The following OR14A2 variants were observed in gnomAD, a reference collection of about 807,000 sequenced individuals.
The protein encoded by OR14A2 is olfactory receptor family 14 subfamily A member 2.
For synonymous variants in OR14A2, 114 were observed against 58.6 expected (o/e 1.95, Z -4.32); for missense variants, 237 against 152.9 (o/e 1.55, Z -2.90).
chr1:247,738,286 T>C, the OR14A2 span, among the ~76,000 whole-genome samples: 3 of 152,200 alleles, frequency 2.0e-5, no homozygotes, highest in African/African-American at 7.2e-5. Context: ...TGCAGTTTTA[T>C]ATATAATTGC....
upstream of OR14A2, among the ~76,000 whole-genome samples, chr1:247,725,528 A>T (rs983866658): frequency 4.7e-5 from 7 of 148,118 alleles, no homozygotes; most frequent in Non-Finnish European, 7.4e-5. Context: ...TTATTTATTT[A>T]TTTTTTTTAT....
upstream of OR14A2, among the ~76,000 whole-genome samples, chr1:247,727,579 G>T (rs1572473838): frequency 1.3e-5 from 2 of 149,890 alleles, no homozygotes; most frequent in East Asian, 3.9e-4. Flanking sequence ...AATCAGAGCA[G>T]AACTGAAGGA....
At chr1:247,736,934 A>C in the OR14A2 span, among the ~76,000 whole-genome samples, 1 of 152,296 alleles carries the variant, frequency 6.6e-6, no homozygotes, top group South Asian at 2.1e-4. Flanking sequence ...CCATTTGCTC[A>C]TGAGTCTTTT....
At chr1:247,739,018 GCAGAGGGCTCTGTGT>G in the OR14A2 span, 40 of 780,648 alleles carry the variant, frequency 5.1e-5, no homozygotes, top group Admixed American at 6.8e-4. Flanking sequence ...GCTGTCATGA[GCAGAGGGCTCTGTGT>G]CCAGTTGATG....
the OR14A2 span, among the ~76,000 whole-genome samples, chr1:247,745,245 A>C: frequency 2.0e-5 from 3 of 152,180 alleles, no homozygotes; most frequent in East Asian, 5.8e-4. Flanking sequence ...TGCAAAGGAA[A>C]ATATATCCAA....
chr1:247,742,239 C>A, the OR14A2 span, among the ~76,000 whole-genome samples: 2 of 152,144 alleles, frequency 1.3e-5, no homozygotes, highest in Non-Finnish European at 2.9e-5. Flanking sequence ...TTTTCTTATA[C>A]CTCAATATTG....
At chr1:247,743,433 C>T in the OR14A2 span, among the ~76,000 whole-genome samples, 1 of 152,200 alleles carries the variant, frequency 6.6e-6, no homozygotes. Flanking sequence ...AGATTGGCCT[C>T]AAGGGACAAA....
the OR14A2 span, chr1:247,747,001 A>G: frequency 6.6e-6 from 1 of 152,242 alleles, no homozygotes; most frequent in African/African-American, 2.4e-5. Flanking sequence ...CATCAAAATT[A>G]TTTGTAAGCC....
At chr1:247,739,229 A>G in the OR14A2 span, 3 of 780,606 alleles carry the variant, frequency 3.8e-6, no homozygotes, top group East Asian at 7.3e-5. Flanking sequence ...TCTGTTATGC[A>G]TTTTCATGTT....
Position 247,723,802 on chromosome 1 carries a change from A to G in OR14A2, c.242T>C (p.Val81Ala), listed in dbSNP as rs947400792. 10 of 718,148 alleles carry G rather than the reference A, an allele frequency of 1.4e-5. No homozygotes were observed. In the African/African-American group the frequency reaches 1.4e-4, roughly 10 times the overall value. The allele number at this position is 718,148 out of a possible 1,614,324, so 44.5% of individuals were successfully genotyped here. A position where few individuals can be genotyped will look rare whatever the true frequency, so the allele number is the denominator to read the frequency against. The stretch of plus-strand genomic sequence containing the variant: ...GGAATTGTTGTGGGTTAGGTTGTTG[A>G]CAATGAATTTTGGGATTGGAACAGA... Residue 81 changes from valine (V) to alanine (A), a missense_variant, in exon 1 of 1, where the codon GTC (valine) becomes GCC (alanine). Transcript: ENST00000366485.
chr1:247,734,424 G>C, the OR14A2 span, among the ~76,000 whole-genome samples: 2 of 152,102 alleles, frequency 1.3e-5, no homozygotes, highest in Non-Finnish European at 2.9e-5. Context: ...TGTCATGGCA[G>C]CCTAAACAAA....
the OR14A2 span, among the ~76,000 whole-genome samples, chr1:247,732,505 G>A: frequency 2.6e-5 from 4 of 152,120 alleles, no homozygotes; most frequent in Non-Finnish European, 4.4e-5. Context: ...GGTCTGAGGA[G>A]CTCTTTCCTA....
the OR14A2 span, chr1:247,738,797 C>T: frequency 1.3e-6 from 1 of 780,816 alleles, no homozygotes; most frequent in Non-Finnish European, 2.4e-6. Flanking sequence ...ACTTTTTCCT[C>T]CGACATTTGT....
At chr1:247,737,555 A>G in the OR14A2 span, among the ~76,000 whole-genome samples, 1 of 152,142 alleles carries the variant, frequency 6.6e-6, no homozygotes, top group Non-Finnish European at 1.5e-5. Flanking sequence ...GCTGGGGAGA[A>G]TAAAACCTAG....
At chr1:247,738,508 A>T in the OR14A2 span, 2 of 633,184 alleles carry the variant, frequency 3.2e-6, no homozygotes, top group Non-Finnish European at 5.7e-6. Context: ...CTAGGCCTTG[A>T]TGCTACACAT....
chr1:247,730,687 A>G, the OR14A2 span, among the ~76,000 whole-genome samples: 2 of 152,088 alleles, frequency 1.3e-5, no homozygotes, highest in Non-Finnish European at 2.9e-5. Flanking sequence ...TGTATTAGTC[A>G]GGGTTCTCCA....
the OR14A2 span, among the ~76,000 whole-genome samples, chr1:247,741,825 A>C: frequency 0.047 from 7,191 of 152,212 alleles, 297 homozygotes; most frequent in East Asian, 0.22. Context: ...CACCATTGTG[A>C]CACTTCTCTC....
At chr1:247,742,622 T>C in the OR14A2 span, among the ~76,000 whole-genome samples, 1 of 152,236 alleles carries the variant, frequency 6.6e-6, no homozygotes, top group Non-Finnish European at 1.5e-5. Context: ...GAAAGTGGGC[T>C]TCTATTCTCT....
the OR14A2 span, among the ~76,000 whole-genome samples, chr1:247,730,895 T>G: frequency 6.6e-6 from 1 of 152,062 alleles, no homozygotes; most frequent in African/African-American, 2.4e-5. Context: ...AGGGCGAGTT[T>G]CTTTACTCAG....
Sources: gnomAD v4.1 joint callset for allele counts (sites outside exome capture counted in the v4.1 genomes callset) on GRCh38, gnomAD v4.1.1 for gene constraint, MANE v1.5 for transcripts, NCBI Gene and HGNC (gene_info 2026-07-23, HGNC 2026-07-21) for gene names.